The following MON2 variants were observed in gnomAD, a reference collection of about 807,000 sequenced individuals.
MON2 encodes the protein MON2 regulator of endosome-to-Golgi trafficking.
In MON2, 84 loss-of-function variants were observed where a neutral mutation model predicts 208.6. The observed-to-expected ratio is 0.40, with a 90% CI of 0.34 to 0.48. The LOEUF (loss-of-function observed/expected upper bound fraction) is 0.48, where lower values mean the gene tolerates loss of function less well. Ranked by LOEUF, MON2 falls within the 20% of genes least tolerant of loss-of-function variation. The pLI is 0.59. For synonymous variants in MON2, 660 were observed against 694.0 expected (o/e 0.95, Z 0.77); for missense variants, 1,611 against 2,015.4 (o/e 0.80, Z 3.84).
chr12:62,502,701 AAAACAACT>A (rs771833363), intron 7 of MON2, among the ~76,000 whole-genome samples: 11 of 152,336 alleles, frequency 7.2e-5, no homozygotes, highest in South Asian at 6.2e-4. Flanking sequence ...ACTTAAATGG[AAAACAACT>A]AAAGTCCAAA....
In MON2 at chr12:62,592,641, C is replaced by A; in HGVS notation, c.5046C>A (p.Cys1682Ter). The change falls in exon 35 of 35, where the codon TGC (cysteine) becomes TGA (stop). Residue 1682 changes from cysteine (C) to a stop codon, truncating the protein, a stop_gained. Transcript: ENST00000393630. LOFTEE classifies it high-confidence loss of function. ...VIALYPTLVECITCSSSEVCS... is the reference protein window; with the variant it reads ...VIALYPTLVE Reference sequence around the variant, plus strand: ...CCTTATACCCAACTTTAGTAGAATGCATCACCTGTTCTTCTTCAGAAGTCT... The same window carrying A: ...CCTTATACCCAACTTTAGTAGAATGAATCACCTGTTCTTCTTCAGAAGTCT... 1 of 1,611,946 alleles carries A rather than the reference C, an allele frequency of 6.2e-7. No individual in the cohort carries two copies. Among genetic ancestry groups the A allele is most frequent in the Non-Finnish European group, 8.5e-7 (1 of 1,178,342 alleles).
At chr12:62,549,591 G>A (rs10877874) in intron 22 of MON2, 77 bp from the exon 23 acceptor site, 485,177 of 1,318,734 alleles carry the variant, frequency 0.37, 94,135 homozygotes, top group Non-Finnish European at 0.41. Context: ...CAACCTGAGT[G>A]GCAGAGTGAG....
At chr12:62,577,070 CCAT>C (rs1388346060) in intron 30 of MON2, among the ~76,000 whole-genome samples, 1 of 151,940 alleles carries the variant, frequency 6.6e-6, no homozygotes, top group African/African-American at 2.4e-5. Context: ...GTTACCTCCA[CCAT>C]CATCACAAAT....
intron 25 of MON2, among the ~76,000 whole-genome samples, chr12:62,556,652 A>G (rs2136325089): frequency 6.6e-6 from 1 of 152,268 alleles, no homozygotes; most frequent in African/African-American, 2.4e-5. Context: ...GAGAAGATTG[A>G]GGAAAAGAGA....
intron 1 of MON2, among the ~76,000 whole-genome samples, chr12:62,471,139 A>G (rs1333419668): frequency 6.6e-6 from 1 of 152,198 alleles, no homozygotes; most frequent in Non-Finnish European, 1.5e-5. Flanking sequence ...GTGGATCACT[A>G]AGAGAAGAAA....
intron 32 of MON2, among the ~76,000 whole-genome samples, chr12:62,581,903 A>G (rs1380230927): frequency 6.6e-6 from 1 of 152,208 alleles, no homozygotes; most frequent in Non-Finnish European, 1.5e-5. Context: ...CTAGAGCCTT[A>G]ACTAGCTTCT....
At chr12:62,585,148 A>G (rs1001271747) in intron 32 of MON2, 146 bp from the exon 33 acceptor site, 23 of 583,880 alleles carry the variant, frequency 3.9e-5, no homozygotes, top group Middle Eastern at 4.8e-4. Flanking sequence ...CATTTTCACT[A>G]TATGTATGCT....
chr12:62,486,189 A>G (rs1372704229), intron 2 of MON2, among the ~76,000 whole-genome samples: 1 of 152,028 alleles, frequency 6.6e-6, no homozygotes, highest in Non-Finnish European at 1.5e-5. Flanking sequence ...ATACCGTGGT[A>G]AGTCCTTAAT....
At chr12:62,514,944 G>A (rs572493062) in intron 8 of MON2, among the ~76,000 whole-genome samples, 1 of 152,324 alleles carries the variant, frequency 6.6e-6, no homozygotes, top group South Asian at 2.1e-4. Context: ...TTATGCCCAT[G>A]AGTGGTCACT....
At chr12:62,523,924 A>G (rs11174534) in intron 8 of MON2, among the ~76,000 whole-genome samples, 53,889 of 151,936 alleles carry the variant, frequency 0.35, 9,688 homozygotes, top group African/African-American at 0.38. Context: ...AACATTATTT[A>G]TTTATAAAGA....
At chr12:62,495,352 C>T (rs962722057) in intron 4 of MON2, among the ~76,000 whole-genome samples, 5 of 151,942 alleles carry the variant, frequency 3.3e-5, no homozygotes, top group Non-Finnish European at 5.9e-5. Context: ...TAAGCAAAGC[C>T]CCTTGGGTAC....
At chr12:62,494,130 A>G in intron 3 of MON2, 88 bp downstream of exon 3, 1 of 1,242,716 alleles carries the variant, frequency 8.0e-7, no homozygotes, top group Non-Finnish European at 1.1e-6. Context: ...GATATTTAAT[A>G]TAAAACTTTT....
At position 62,557,962 on chromosome 12, in the gene MON2, A is replaced by AT. The variant is rs869193690; in HGVS notation, c.3409+1799dup. ...TATATATATATATATATATATATAT[A>AT]TTTTTTTTTTTTTTTTTTTTTTTTT... is the stretch of plus-strand genomic sequence containing the variant. On this transcript the variant is annotated intron_variant, in intron 25 of 34. Coordinates refer to ENST00000393630, the MANE Select transcript of MON2 (RefSeq NM_015026.3). Among the ~76,000 whole-genome samples the AT allele has an allele frequency of 1.6e-3, 33 of 20,872 alleles. 3 individuals are homozygous for AT. The highest frequency in any genetic ancestry group is 8.3e-3 in the South Asian group (2 of 240). 13.7% of individuals were successfully genotyped at this position (20,872 alleles called of 152,430 possible). A position where few individuals can be genotyped will look rare whatever the true frequency, so the allele number is the denominator to read the frequency against.
intron 1 of MON2, among the ~76,000 whole-genome samples, chr12:62,473,867 G>A (rs1229316622): frequency 2.0e-5 from 3 of 151,900 alleles, no homozygotes; most frequent in Non-Finnish European, 2.9e-5. Flanking sequence ...CACTGTGCCC[G>A]GCCATCCTTT....
rs2072936684 is a variant in MON2 at position 62,535,756 on chromosome 12, G to A, written c.1900+47G>A. ...TTCTCTCTATGTAGTGGGATGATAT[G>A]GTGTAGACAGAAGATTATAAACATC... On this transcript the variant is annotated intron_variant, in intron 14 of 34. Transcript: ENST00000393630. 3 of 1,411,084 alleles carry A rather than the reference G, an allele frequency of 2.1e-6. No individual in the cohort carries two copies. The Admixed American group carries it at 6.6e-5, about 31-fold the overall frequency. 87.4% of individuals were successfully genotyped at this position (1,411,084 alleles called of 1,614,324 possible). A position where few individuals can be genotyped will look rare whatever the true frequency, so the allele number is the denominator to read the frequency against.
chr12:62,519,542 CAT>C (rs1342459565), intron 8 of MON2, among the ~76,000 whole-genome samples: 22 of 152,090 alleles, frequency 1.4e-4, no homozygotes, highest in Admixed American at 1.4e-3. Flanking sequence ...TACATGTTAA[CAT>C]AAATTTTTAT....
chr12:62,516,394 A>G (rs1453239572), intron 8 of MON2, among the ~76,000 whole-genome samples: 2 of 152,136 alleles, frequency 1.3e-5, no homozygotes. Flanking sequence ...TTAGTCAACA[A>G]TAATGTACAT....
chr12:62,539,125 C>G (rs556025220), intron 19 of MON2, among the ~76,000 whole-genome samples: 1 of 152,162 alleles, frequency 6.6e-6, no homozygotes, highest in South Asian at 2.1e-4. Context: ...AAACAAAATA[C>G]TTTCCACATT....
chr12:62,467,534 G>A (rs2068576652), intron 1 of MON2, among the ~76,000 whole-genome samples: 1 of 152,188 alleles, frequency 6.6e-6, no homozygotes, highest in African/African-American at 2.4e-5. Flanking sequence ...CCCAGTTTAG[G>A]AGTGAAGTTC....
Sources: allele counts gnomAD v4.1 joint callset (sites outside exome capture counted in the v4.1 genomes callset), GRCh38; gene constraint gnomAD v4.1.1; transcripts MANE v1.5; gene names NCBI Gene and HGNC (gene_info 2026-07-23, HGNC 2026-07-21).